Variants in GRIA3 observed in about 807,000 individuals in gnomAD.
The protein encoded by GRIA3 is glutamate ionotropic receptor AMPA type subunit 3, also known as glutamate receptor 3.
Under a neutral mutation model 63.0 loss-of-function variants are expected in GRIA3, and 3 were observed. The ratio of observed to expected loss-of-function variants is 0.05; its 90% CI spans 0.02 to 0.12. The LOEUF is 0.12. Among genes scored for constraint, GRIA3 ranks in the 10% least tolerant of loss-of-function variants. The pLI, the probability that GRIA3 is intolerant of heterozygous loss-of-function variation, is 1.00. For synonymous variants in GRIA3, 274 were observed against 257.9 expected (o/e 1.06, Z -0.60); for missense variants, 347 against 700.9 (o/e 0.50, Z 5.70).
intron 3 of GRIA3, among the ~76,000 whole-genome samples, chrX:123,316,479 T>G (rs1024217183): frequency 3.6e-5 from 4 of 112,241 alleles, no homozygotes; most frequent in Non-Finnish European, 5.6e-5. Flanking sequence ...TCTGGCAGTA[T>G]GTATCAAGAG....
At chrX:123,355,729 C>A (rs763226336) in intron 5 of GRIA3, among the ~76,000 whole-genome samples, 1 of 111,530 alleles carries the variant, frequency 9.0e-6, no homozygotes, top group East Asian at 2.8e-4. Flanking sequence ...AATTTTGTTT[C>A]ATTAGCACAA....
chrX:123,401,031 C>T lies in GRIA3; in HGVS notation c.1081-1963C>T, dbSNP rs183628464. ...AAAATGTCTCTCATCTCGAGATGCT[C>T]CTAATCCAGTAGGAAAGTTAGAAAC... On this transcript the variant is annotated intron_variant, in intron 7 of 15. Transcript: ENST00000620443. Among the ~76,000 whole-genome samples the T allele has an allele frequency of 3.2e-3, 354 of 111,762 alleles. 4 individuals are homozygous for T. The highest frequency in any genetic ancestry group is 4.1e-3 in the Non-Finnish European group (215 of 53,020).
At position 123,260,211 on chromosome X, in the gene GRIA3, A is replaced by G. The variant is rs146832851; in HGVS notation, c.508+6669A>G. 4.6e-3 allele frequency among the ~76,000 whole-genome samples: 488 copies of G among 104,985 alleles called. 5 individuals are homozygous for G. Among genetic ancestry groups the G allele is most frequent in the African/African-American group, 0.016 (466 of 28,767 alleles). The allele number at this position is 104,985 out of a possible 115,157, so 91.2% of individuals were successfully genotyped here. A position where few individuals can be genotyped will look rare whatever the true frequency, so the allele number is the denominator to read the frequency against. ...TCATCTATTCTTCTCTGGGTCAGAG[A>G]CTTTCCTGAACACAGAAAGAAAAAT... is the stretch of plus-strand genomic sequence containing the variant. On this transcript the variant is annotated intron_variant, in intron 3 of 15. Transcript: ENST00000620443.
intron 10 of GRIA3, among the ~76,000 whole-genome samples, chrX:123,410,181 G>T (rs1032391383): frequency 3.6e-5 from 4 of 111,579 alleles, no homozygotes; most frequent in Non-Finnish European, 3.8e-5. Context: ...TGGGGGTTCT[G>T]CCCTTAGAGA....
At chrX:123,274,032 G>C (rs2044539345) in intron 3 of GRIA3, among the ~76,000 whole-genome samples, 1 of 111,904 alleles carries the variant, frequency 8.9e-6, no homozygotes, top group African/African-American at 3.2e-5. Context: ...GGGCAAATGG[G>C]CTTCTCAGGC....
At chrX:123,228,715 T>C (rs989601702) in intron 2 of GRIA3, among the ~76,000 whole-genome samples, 9 of 111,271 alleles carry the variant, frequency 8.1e-5, no homozygotes, top group African/African-American at 2.9e-4. Context: ...CTCTCATCCC[T>C]CACCCCTCAG....
chrX:123,324,040 T>C (rs954684229), intron 3 of GRIA3, among the ~76,000 whole-genome samples: 2 of 111,711 alleles, frequency 1.8e-5, no homozygotes, highest in Non-Finnish European at 3.8e-5. Flanking sequence ...GAACTTGTCA[T>C]CATGCCATAA....
intron 2 of GRIA3, among the ~76,000 whole-genome samples, chrX:123,203,302 G>A (rs1285567926): frequency 9.0e-6 from 1 of 111,706 alleles, no homozygotes; most frequent in African/African-American, 3.3e-5. Flanking sequence ...GAAGCAATGC[G>A]TTATGGAAGA....
chrX:123,264,547 C>A (rs1290745330), intron 3 of GRIA3, among the ~76,000 whole-genome samples: 1 of 111,565 alleles, frequency 9.0e-6, no homozygotes, highest in African/African-American at 3.3e-5. Context: ...TGTCAACTGG[C>A]ACTTACTGAA....
intron 3 of GRIA3, among the ~76,000 whole-genome samples, chrX:123,267,012 T>C (rs1476989706): frequency 9.0e-6 from 1 of 111,501 alleles, no homozygotes; most frequent in East Asian, 2.8e-4. Context: ...AGCACTGGTC[T>C]TACAATAGTA....
chrX:123,237,295 G>T (rs749292465), intron 2 of GRIA3, among the ~76,000 whole-genome samples: 1 of 111,910 alleles, frequency 8.9e-6, no homozygotes, highest in Non-Finnish European at 1.9e-5. Flanking sequence ...CCTAAATATA[G>T]AGAGCCATGG....
At chrX:123,334,747 A>T (rs1233992446) in intron 4 of GRIA3, among the ~76,000 whole-genome samples, 1 of 111,450 alleles carries the variant, frequency 9.0e-6, no homozygotes, top group African/African-American at 3.3e-5. Context: ...AGAAGCCTTG[A>T]GGCAGGAGAG....
chrX:123,298,851 T>A lies in GRIA3; in HGVS notation c.509-27175T>A, dbSNP rs2044702336. ...TATTTCCCTGGTTGTCTTCCAGGGT[T>A]TTTATAGTTTTGGGTTTTATATTTA... On this transcript the variant is annotated intron_variant, in intron 3 of 15. Coordinates refer to ENST00000620443, the MANE Select transcript of GRIA3 (RefSeq NM_007325.5). Among the ~76,000 whole-genome samples, 4 of 111,631 alleles carry A rather than the reference T, an allele frequency of 3.6e-5. No individual in the cohort carries two copies. In the South Asian group the frequency reaches 1.5e-3, roughly 41 times the overall value.
At chrX:123,384,574 G>A (rs1025942378) in intron 5 of GRIA3, among the ~76,000 whole-genome samples, 24 of 111,838 alleles carry the variant, frequency 2.1e-4, no homozygotes, top group Non-Finnish European at 4.3e-4. Context: ...GCAGTAAGCC[G>A]AGATCATGCC....
chrX:123,383,702 CT>C (rs1378446520), intron 5 of GRIA3, among the ~76,000 whole-genome samples: 1 of 110,455 alleles, frequency 9.1e-6, no homozygotes, highest in African/African-American at 3.3e-5. Context: ...TTTTTTTAAT[CT>C]TTTTTTTCAA....
chrX:123,271,867 C>G (rs2044525698), intron 3 of GRIA3, among the ~76,000 whole-genome samples: 1 of 112,057 alleles, frequency 8.9e-6, no homozygotes, highest in African/African-American at 3.2e-5. Flanking sequence ...AGTGTTCTTC[C>G]TGTCACTCCA....
At chrX:123,440,948 G>C (rs1298257395) in intron 12 of GRIA3, among the ~76,000 whole-genome samples, 1 of 111,386 alleles carries the variant, frequency 9.0e-6, no homozygotes, top group Non-Finnish European at 1.9e-5. Context: ...ACTATTTCTT[G>C]TATCAGTCAG....
chrX:123,291,343 G>A (rs1028660191), intron 3 of GRIA3, among the ~76,000 whole-genome samples: 1 of 111,035 alleles, frequency 9.0e-6, no homozygotes, highest in African/African-American at 3.3e-5. Context: ...CTTCAAGCAG[G>A]TAGTTGTAGG....
intron 4 of GRIA3, among the ~76,000 whole-genome samples, chrX:123,350,950 C>T (rs1159695410): frequency 1.8e-5 from 2 of 112,119 alleles, no homozygotes; most frequent in Non-Finnish European, 3.8e-5. Context: ...GCTATCATAT[C>T]AAGCCATCCA....
Sources: gnomAD v4.1 joint callset for allele counts (sites outside exome capture counted in the v4.1 genomes callset) on GRCh38, gnomAD v4.1.1 for gene constraint, MANE v1.5 for transcripts, NCBI Gene and HGNC (gene_info 2026-07-23, HGNC 2026-07-21) for gene names.